USH2A: variants seen among roughly 807,000 people sequenced by gnomAD.
The protein encoded by USH2A is Usher syndrome 2A (autosomal recessive, mild).
USH2A carries 443 observed loss-of-function variants against 538.9 expected under a neutral mutation model. The ratio of observed to expected loss-of-function variants is 0.82; its 90% CI spans 0.76 to 0.89. The LOEUF (loss-of-function observed/expected upper bound fraction) is 0.89. Among genes scored for constraint, USH2A ranks in the 40% least tolerant of loss-of-function variants. The pLI, the probability that USH2A is intolerant of heterozygous loss-of-function variation, is 0.00. For synonymous variants in USH2A, 2,413 were observed against 2,273.5 expected (o/e 1.06, Z -1.75); for missense variants, 6,633 against 6,324.8 (o/e 1.05, Z -1.65).
chr1:215,904,576 T>G (rs777711889), intron 38 of USH2A, among the ~76,000 whole-genome samples: 2 of 152,014 alleles, frequency 1.3e-5, no homozygotes, highest in Non-Finnish European at 2.9e-5. Context: ...CCAGCCATAA[T>G]TCCACTGCTG....
chr1:215,702,072 T>A (rs928722956), intron 61 of USH2A, among the ~76,000 whole-genome samples: 1 of 152,226 alleles, frequency 6.6e-6, no homozygotes, highest in Non-Finnish European at 1.5e-5. Flanking sequence ...TCTCCTTCAC[T>A]TTTGAAGCTT....
chr1:216,072,900 G>T lies in USH2A; in HGVS notation c.5846C>A (p.Thr1949Lys), dbSNP rs367866605. 6.2e-7 allele frequency: 1 copy of T among 1,613,598 alleles called. No individual in the cohort carries two copies. The highest frequency in any genetic ancestry group is 8.5e-7 in the Non-Finnish European group (1 of 1,179,768). Residue 1949 changes from threonine (T) to lysine (K), a missense_variant, in exon 29 of 72, where the codon ACA (threonine) becomes AAA (lysine). Coordinates refer to ENST00000307340, the MANE Select transcript of USH2A (RefSeq NM_206933.4). Reference sequence around the variant, plus strand: ...AGATAAGTATTTACCTGCTCCTGTTGTACGTCCTCGACTCCAATCACTATA... The same window carrying T: ...AGATAAGTATTTACCTGCTCCTGTTTTACGTCCTCGACTCCAATCACTATA... ...SVYSDWSRGR[T>K]TGAAPQSVPT... is the part of the protein sequence containing the mutation.
chr1:215,626,811 GGAT>G (rs1046134472), intron 71 of USH2A, among the ~76,000 whole-genome samples: 1 of 152,070 alleles, frequency 6.6e-6, no homozygotes, highest in African/African-American at 2.4e-5. Context: ...TAAAAAATGA[GGAT>G]GATAATAGAA....
chr1:216,355,305 C>CAGAAAG, intron 4 of USH2A, among the ~76,000 whole-genome samples: 1 of 64,460 alleles, frequency 1.6e-5, no homozygotes, highest in African/African-American at 9.1e-5. Context: ...GACTCTGCTT[C>CAGAAAG]AAAAAGAAAG....
chr1:216,122,741 C>A (rs2033163177), intron 21 of USH2A, among the ~76,000 whole-genome samples: 1 of 152,110 alleles, frequency 6.6e-6, no homozygotes, highest in Non-Finnish European at 1.5e-5. Context: ...CAGATGAATT[C>A]ATGACCCAAG....
At chr1:216,291,839 A>T (rs1360974822) in intron 10 of USH2A, among the ~76,000 whole-genome samples, 2 of 152,230 alleles carry the variant, frequency 1.3e-5, no homozygotes, top group African/African-American at 4.8e-5. Flanking sequence ...ACTTACTTTA[A>T]GGATATGTGT....
chr1:215,967,101 CT>C (rs1229422529), intron 36 of USH2A, among the ~76,000 whole-genome samples: 1 of 152,152 alleles, frequency 6.6e-6, no homozygotes, highest in Non-Finnish European at 1.5e-5. Flanking sequence ...CTGGGAACCT[CT>C]CTTGACACAG....
chr1:215,760,809 C>T (rs970759748), intron 56 of USH2A, among the ~76,000 whole-genome samples: 4 of 152,268 alleles, frequency 2.6e-5, no homozygotes, highest in African/African-American at 9.6e-5. Context: ...CTGGTCCAAG[C>T]CACGTTTCTC....
rs1387587166 is a variant in USH2A at position 216,246,968 on chromosome 1, T to C, written c.2426A>G (p.Asn809Ser). ...TAGSLPGTVC[N>S]AKTGQCICKP... ...GCAGATGCACTGCCCTGTCTTAGCA[T>C]TACAGACAGTCCCAGGGAGGGATCC... The change falls in exon 13 of 72, where the codon AAT (asparagine) becomes AGT (serine). Residue 809 changes from asparagine to serine, a missense_variant. Asn to Ser is a conservative substitution (Grantham distance 46). Transcript: ENST00000307340. 6.2e-7 allele frequency: 1 copy of C among 1,614,108 alleles called. No homozygotes were observed.
intron 5 of USH2A, among the ~76,000 whole-genome samples, chr1:216,326,916 C>A (rs1022772482): frequency 6.6e-6 from 1 of 152,092 alleles, no homozygotes; most frequent in Non-Finnish European, 1.5e-5. Context: ...ACCATGATAT[C>A]ATAAGCTGAA....
intron 48 of USH2A, among the ~76,000 whole-genome samples, chr1:215,814,417 T>TA (rs1662798947): frequency 6.6e-6 from 1 of 151,496 alleles, no homozygotes; most frequent in Admixed American, 6.6e-5. Context: ...GCAACACAGG[T>TA]ATTGCAGTGA....
At chr1:215,778,055 C>CTTT (rs72004094) in intron 55 of USH2A, among the ~76,000 whole-genome samples, 2 of 144,442 alleles carry the variant, frequency 1.4e-5, no homozygotes, top group Admixed American at 1.4e-4. Flanking sequence ...ACCCCATTAT[C>CTTT]TTTTTTTTTT....
chr1:216,171,934 G>T (rs936962475), intron 21 of USH2A, among the ~76,000 whole-genome samples: 1 of 151,972 alleles, frequency 6.6e-6, no homozygotes. Flanking sequence ...CATTCTTCCT[G>T]AAGATTAGAT....
At chr1:216,026,270 T>C (rs1211865957) in intron 32 of USH2A, among the ~76,000 whole-genome samples, 4 of 152,146 alleles carry the variant, frequency 2.6e-5, no homozygotes, top group Non-Finnish European at 4.4e-5. Context: ...TGTAATTACA[T>C]AGAATTTATT....
At chr1:215,825,244 G>A (rs58775055) in intron 47 of USH2A, among the ~76,000 whole-genome samples, 2 of 152,008 alleles carry the variant, frequency 1.3e-5, no homozygotes, top group Admixed American at 6.6e-5. Context: ...TTAGAGATGG[G>A]ATCTTGCTAT....
chr1:215,839,913 T>C (rs569733267), intron 46 of USH2A, among the ~76,000 whole-genome samples: 3 of 152,146 alleles, frequency 2.0e-5, no homozygotes, highest in Admixed American at 6.5e-5. Context: ...ATTCCAGCAC[T>C]GTGGGAAGCT....
chr1:215,783,622 G>A (rs1661709991), intron 52 of USH2A, among the ~76,000 whole-genome samples: 1 of 152,128 alleles, frequency 6.6e-6, no homozygotes, highest in Non-Finnish European at 1.5e-5. Flanking sequence ...TGTCCCCAAA[G>A]TCTTAGTTCC....
intron 3 of USH2A, among the ~76,000 whole-genome samples, chr1:216,375,920 C>A (rs1283423742): frequency 6.6e-6 from 1 of 152,048 alleles, no homozygotes; most frequent in Non-Finnish European, 1.5e-5. Flanking sequence ...GGAGAAGGAA[C>A]AAGTCAGAAG....
At chr1:215,838,634 C>G (rs1663594883) in intron 46 of USH2A, among the ~76,000 whole-genome samples, 1 of 152,032 alleles carries the variant, frequency 6.6e-6, no homozygotes. Flanking sequence ...GTATTTTTAC[C>G]TTAATCACAG....
Sources: gnomAD v4.1 joint callset for allele counts (sites outside exome capture counted in the v4.1 genomes callset) on GRCh38, gnomAD v4.1.1 for gene constraint, MANE v1.5 for transcripts, NCBI Gene and HGNC (gene_info 2026-07-23, HGNC 2026-07-21) for gene names.